The following ANKRD42 variants were observed in gnomAD, a reference collection of about 807,000 sequenced individuals.
The protein encoded by ANKRD42 is ankyrin repeat domain 42, also known as ankyrin repeat domain-containing protein 42.
In ANKRD42, 43 loss-of-function variants were observed where a neutral mutation model predicts 51.5. The ratio of observed to expected loss-of-function variants is 0.83; its 90% confidence interval spans 0.65 to 1.08. The LOEUF is 1.08. Among genes scored for constraint, ANKRD42 ranks in the 50% least tolerant of loss-of-function variants. The pLI is 0.00. For synonymous variants in ANKRD42, 203 were observed against 213.0 expected (o/e 0.95, Z 0.41); for missense variants, 608 against 629.3 (o/e 0.97, Z 0.36).
At chr11:83,242,891 G>T (rs1863437218) in intron 9 of ANKRD42, among the ~76,000 whole-genome samples, 1 of 152,092 alleles carries the variant, frequency 6.6e-6, no homozygotes, top group Non-Finnish European at 1.5e-5. Flanking sequence ...CCGGTCTTCT[G>T]TTGATGGGCA....
At chr11:83,240,491 T>C (rs2135549846) in intron 8 of ANKRD42, among the ~76,000 whole-genome samples, 1 of 152,352 alleles carries the variant, frequency 6.6e-6, no homozygotes, top group South Asian at 2.1e-4. Flanking sequence ...TCCTTTGGTA[T>C]TGGATCTCCA....
In ANKRD42 at chr11:83,208,169, A is replaced by G. The variant is rs1475838574; in HGVS notation, c.330+2004A>G. ...CTCCCAAGTAACTGAGACCACCAAC[A>G]TGCATCACCTTGCCTGGCTAATTTT... On this transcript the variant is annotated intron_variant, in intron 3 of 10. Coordinates refer to ENST00000533342, the MANE Select transcript of ANKRD42 (RefSeq NM_001300975.2). Among the ~76,000 whole-genome samples, 3 of 151,700 alleles carry G rather than the reference A, an allele frequency of 2.0e-5. 1 individual carries two copies. The highest frequency in any genetic ancestry group is 7.3e-5 in the African/African-American group (3 of 41,126).
chr11:83,213,364 C>A (rs1284611200), intron 5 of ANKRD42: 25 of 1,577,892 alleles, frequency 1.6e-5, no homozygotes, highest in South Asian at 8.8e-5. Context: ...CGGAGTCACA[C>A]CAACCCCAAC....
chr11:83,242,446 G>A (rs974523466), intron 9 of ANKRD42, among the ~76,000 whole-genome samples: 6 of 148,690 alleles, frequency 4.0e-5, no homozygotes, highest in Non-Finnish European at 7.5e-5. Context: ...GAGATTTGGT[G>A]TATTTAGAAG....
chr11:83,219,475 G>A (rs917652937), intron 5 of ANKRD42, among the ~76,000 whole-genome samples: 2 of 152,186 alleles, frequency 1.3e-5, no homozygotes, highest in Non-Finnish European at 2.9e-5. Flanking sequence ...AGTGACAGGA[G>A]GCGTATAGTA....
intron 5 of ANKRD42, chr11:83,215,269 T>G (rs1862488846): frequency 6.6e-6 from 1 of 152,200 alleles, no homozygotes; most frequent in East Asian, 1.9e-4. Context: ...TATAGTTTAT[T>G]TAATATAAAT....
intron 9 of ANKRD42, among the ~76,000 whole-genome samples, chr11:83,244,813 C>T (rs1175729328): frequency 6.6e-6 from 1 of 152,148 alleles, no homozygotes; most frequent in Non-Finnish European, 1.5e-5. Context: ...GTGGCTGGTA[C>T]TTTAAAATCA....
chr11:83,217,290 A>C (rs1565185260), intron 5 of ANKRD42, among the ~76,000 whole-genome samples: 1 of 152,204 alleles, frequency 6.6e-6, no homozygotes, highest in Non-Finnish European at 1.5e-5. Flanking sequence ...AGAGGACAAC[A>C]AATTGGTAAT....
chr11:83,243,659 G>T (rs531927172), intron 9 of ANKRD42, among the ~76,000 whole-genome samples: 37 of 152,256 alleles, frequency 2.4e-4, no homozygotes, highest in African/African-American at 7.2e-4. Context: ...ATGTATGTAT[G>T]TATTTATTTA....
intron 7 of ANKRD42, among the ~76,000 whole-genome samples, chr11:83,229,448 G>A (rs780276881): frequency 9.9e-5 from 15 of 152,020 alleles, no homozygotes; most frequent in East Asian, 3.9e-4. Flanking sequence ...GCTAATGCGC[G>A]TGTGTGGGGG....
intron 3 of ANKRD42, chr11:83,209,577 A>G: frequency 2.1e-6 from 2 of 940,648 alleles, no homozygotes; most frequent in East Asian, 2.4e-5. Context: ...TATATGATCC[A>G]TGAACCAGAA....
chr11:83,233,238 G>A (rs1207275304), intron 7 of ANKRD42, among the ~76,000 whole-genome samples: 1 of 146,948 alleles, frequency 6.8e-6, no homozygotes, highest in Admixed American at 6.7e-5. Context: ...TTAACTGGGA[G>A]ACTTTTTATT....
intron 2 of ANKRD42, among the ~76,000 whole-genome samples, chr11:83,201,979 A>T (rs1000573584): frequency 6.6e-6 from 1 of 152,168 alleles, no homozygotes; most frequent in African/African-American, 2.4e-5. Context: ...TTTGTTGTGC[A>T]GAAGCTCTTT....
chr11:83,250,999 G>A (rs1863664974), downstream of ANKRD42, among the ~76,000 whole-genome samples: 1 of 152,030 alleles, frequency 6.6e-6, no homozygotes, highest in Non-Finnish European at 1.5e-5. Flanking sequence ...GTCACTCCTT[G>A]GATTGAAAAT....
chr11:83,211,857 G>A (rs1389683954), intron 5 of ANKRD42, among the ~76,000 whole-genome samples: 3 of 152,036 alleles, frequency 2.0e-5, no homozygotes, highest in Non-Finnish European at 4.4e-5. Context: ...CTCACAAAAC[G>A]AAGTAGTATA....
chr11:83,223,498 C>A (rs1228724097), intron 5 of ANKRD42, among the ~76,000 whole-genome samples: 1 of 151,982 alleles, frequency 6.6e-6, no homozygotes, highest in East Asian at 1.9e-4. Context: ...AAAGGGGAGT[C>A]AAGGATGGCT....
At chr11:83,245,413 A>G (rs891078221) in intron 9 of ANKRD42, 85 bp from the exon 10 acceptor site, 55 of 1,401,328 alleles carry the variant, frequency 3.9e-5, no homozygotes, top group Non-Finnish European at 5.1e-5. Context: ...GTCTAGAGGA[A>G]GAATATGCTC....
Position 83,234,204 on chromosome 11 carries a change from C to A in ANKRD42, c.914-2200C>A, listed in dbSNP as rs369025916. Among the ~76,000 whole-genome samples the A allele has an allele frequency of 6.6e-4, 101 of 152,096 alleles. 2 individuals carry two copies. In the South Asian group the frequency reaches 0.016, roughly 24 times the overall value. ...AAGACATTACCCTTTTCTTGGGTAC[C>A]ATCTATATGTTTCTACTGTACTAAA... On this transcript the variant is annotated intron_variant, in intron 7 of 10. Transcript: ENST00000533342.
intron 5 of ANKRD42, among the ~76,000 whole-genome samples, chr11:83,216,411 C>T (rs889327954): frequency 2.0e-5 from 3 of 151,990 alleles, no homozygotes; most frequent in Admixed American, 6.5e-5. Flanking sequence ...GCAGGCTCCA[C>T]CCCCTGGGGT....
Sources: allele counts gnomAD v4.1 joint callset (sites outside exome capture counted in the v4.1 genomes callset), GRCh38; gene constraint gnomAD v4.1.1; transcripts MANE v1.5; gene names NCBI Gene and HGNC (gene_info 2026-07-23, HGNC 2026-07-21).